RUSC2: variants seen among roughly 807,000 people sequenced by gnomAD.
RUSC2 encodes RUN and SH3 domain containing 2, also known as AP-4 complex accessory subunit RUSC2.
Under a neutral mutation model 122.2 loss-of-function variants are expected in RUSC2, and 34 were observed. The observed-to-expected ratio is 0.28, with a 90% CI of 0.21 to 0.37. The LOEUF (loss-of-function observed/expected upper bound fraction) is 0.37, where lower values mean the gene tolerates loss of function less well. RUSC2 is among the 10% of genes least tolerant of loss of function. The pLI, the probability that RUSC2 is intolerant of heterozygous loss-of-function variation, is 1.00. For synonymous variants in RUSC2, 784 were observed against 790.0 expected, an observed-to-expected ratio of 0.99 and a Z score of 0.13; for missense variants, 1,747 against 1,952.4, an observed-to-expected ratio of 0.89 and a Z score of 1.98.
At chr9:35,520,699 T>C (rs1397725771) in intron 1 of RUSC2, among the ~76,000 whole-genome samples, 5 of 152,294 alleles carry the variant, frequency 3.3e-5, no homozygotes, top group African/African-American at 9.6e-5. Context: ...AAGAGCAGCA[T>C]AGGGGCCTTT....
chr9:35,504,998 A>G (rs1320547324), intron 1 of RUSC2, among the ~76,000 whole-genome samples: 2 of 152,260 alleles, frequency 1.3e-5, no homozygotes, highest in African/African-American at 4.8e-5. Context: ...TGCTATGCTT[A>G]TAGTTAGTTA....
chr9:35,555,235 G>T lies in RUSC2; in HGVS notation c.2190G>T (p.Gln730His), dbSNP rs141185107. Residue 730 changes from glutamine to histidine, a missense_variant, in exon 3 of 12, where the codon CAG becomes CAT. Gln to His is a conservative substitution (Grantham distance 24, BLOSUM62 0). Transcript: ENST00000361226. The surrounding 1 kb of genome is among the most constrained non-coding windows in gnomAD (Gnocchi z 4.6). Reference protein sequence around the residue: ...YSLSGCSRTQQPAPLAAPAAQ... With the variant: ...YSLSGCSRTQHPAPLAAPAAQ... ...TCTCAGGCTGCAGCCGTACACAGCAGCCTGCCCCACTGGCTGCCCCTGCTG... is the reference window on the plus strand; with the variant it reads ...TCTCAGGCTGCAGCCGTACACAGCATCCTGCCCCACTGGCTGCCCCTGCTG... 4.3e-5 allele frequency: 69 copies of T among 1,612,990 alleles called. No individual in the cohort carries two copies. The highest frequency in any genetic ancestry group is 5.8e-5 in the Non-Finnish European group (68 of 1,180,002).
rs532728531 is a variant in RUSC2, at chr9:35,503,469, G to A, written c.-93+13297G>A. Among the ~76,000 whole-genome samples, 10 of 152,226 alleles carry A rather than the reference G, an allele frequency of 6.6e-5. No individual in the cohort carries two copies. In the South Asian group the frequency reaches 2.1e-3, roughly 32 times the overall value. ...CCATTTTATGGCTGAGTAGTATTGC[G>A]TGGTGTATATATACCACATTTTCTT... On this transcript the variant is annotated intron_variant, in intron 1 of 11. Coordinates refer to ENST00000361226, the MANE Select transcript of RUSC2 (RefSeq NM_014806.5).
rs192982250 is a variant in RUSC2, at chr9:35,548,623, C to T, written c.2014+88C>T. On this transcript the variant is annotated intron_variant, in intron 2 of 11. Coordinates refer to ENST00000361226, the MANE Select transcript of RUSC2 (RefSeq NM_014806.5). The surrounding 1 kb of genome is among the most constrained non-coding windows in gnomAD (Gnocchi z 4.5). The stretch of plus-strand genomic sequence containing the variant: ...CCCTGACAGGTCCCTGCCAGACCAC[C>T]CCATCCATACCACTAGAGGTTCCAC... 1.2e-4 allele frequency: 168 copies of T among 1,455,170 alleles called. No homozygotes were observed. Among genetic ancestry groups the T allele is most frequent in the Admixed American group, 2.2e-4 (8 of 36,808 alleles). 90.1% of individuals were successfully genotyped at this position (1,455,170 alleles called of 1,614,324 possible).
rs1455906765 is a variant in RUSC2 at position 35,498,858 on chromosome 9, AAAAAAAG to A, written c.-93+8697_-93+8703del. Reference sequence around the variant, plus strand: ...GACTACATCTCAAAAAAAAAAAAACAAAAAAAGAAAAAAGAAATGGCAAAAGTGAACC... The same window carrying A: ...GACTACATCTCAAAAAAAAAAAAACAAAAAAAGAAATGGCAAAAGTGAACC... On this transcript the variant is annotated intron_variant, in intron 1 of 11. Coordinates refer to ENST00000361226, the MANE Select transcript of RUSC2 (RefSeq NM_014806.5). Among the ~76,000 whole-genome samples, 1,350 of 151,562 alleles carry A rather than the reference AAAAAAAG, an allele frequency of 8.9e-3. 21 individuals carry two copies. The highest frequency in any genetic ancestry group is 0.032 in the African/African-American group (1,301 of 41,276).
chr9:35,522,370 C>A (rs747479172), intron 1 of RUSC2, among the ~76,000 whole-genome samples: 4 of 152,096 alleles, frequency 2.6e-5, no homozygotes, highest in Non-Finnish European at 4.4e-5. Context: ...GCCTCTGGGG[C>A]CCCCCACAGT....
chr9:35,532,731 C>T (rs530511705), intron 1 of RUSC2, among the ~76,000 whole-genome samples: 46 of 150,404 alleles, frequency 3.1e-4, no homozygotes, highest in African/African-American at 1.1e-3. Flanking sequence ...GGTGACAGAG[C>T]GAAACTGTCT....
chr9:35,544,802 G>A (rs1821713380), intron 1 of RUSC2, among the ~76,000 whole-genome samples: 2 of 151,878 alleles, frequency 1.3e-5, no homozygotes, highest in East Asian at 1.9e-4. Context: ...TGTCACTTGT[G>A]CCTTTGGTGT....
chr9:35,495,943 T>C (rs1312208464), intron 1 of RUSC2, among the ~76,000 whole-genome samples: 1 of 152,198 alleles, frequency 6.6e-6, no homozygotes, highest in Non-Finnish European at 1.5e-5. Flanking sequence ...AATGGAATTG[T>C]TTTAATTTCC....
Position 35,546,829 on chromosome 9 carries a change from T to C in RUSC2, c.308T>C (p.Phe103Ser). ...GPGAPKRHNP[F>S]LLQEGVGEPG... ...GGAGCCCCCAAACGACACAACCCCTTCTTGCTGCAGGAGGGTGTGGGTGAG... is the reference window on the plus strand; with the variant it reads ...GGAGCCCCCAAACGACACAACCCCTCCTTGCTGCAGGAGGGTGTGGGTGAG... Residue 103 changes from phenylalanine (F) to serine (S), a missense_variant, in exon 2 of 12, where the codon TTC becomes TCC. Coordinates refer to ENST00000361226, the MANE Select transcript of RUSC2 (RefSeq NM_014806.5). The surrounding 1 kb of genome is among the most constrained non-coding windows in gnomAD (Gnocchi z 4.3). 6.2e-7 allele frequency: 1 copy of C among 1,611,830 alleles called. No homozygotes were observed. The highest frequency in any genetic ancestry group is 8.5e-7 in the Non-Finnish European group (1 of 1,178,972).
At position 35,555,821 on chromosome 9, in the gene RUSC2, C is replaced by T; in HGVS notation, c.2656+120C>T. On this transcript the variant is annotated intron_variant, in intron 3 of 11. Coordinates refer to ENST00000361226, the MANE Select transcript of RUSC2 (RefSeq NM_014806.5). This position sits in a 1 kb window ranked among gnomAD's most constrained non-coding sequence, Gnocchi z 4.6. ...GCCAGAGGTTAGGATGTCTGCATCC[C>T]TCCCTCAGCATCTGTAGATAATATC... is the stretch of plus-strand genomic sequence containing the variant. 1.4e-6 allele frequency: 2 copies of T among 1,458,208 alleles called. No homozygotes were observed. Among genetic ancestry groups the T allele is most frequent in the Non-Finnish European group, 1.8e-6 (2 of 1,081,796 alleles). 90.3% of individuals were successfully genotyped at this position (1,458,208 alleles called of 1,614,324 possible).
chr9:35,495,784 A>C (rs1439594298), intron 1 of RUSC2, among the ~76,000 whole-genome samples: 1 of 152,130 alleles, frequency 6.6e-6, no homozygotes, highest in East Asian at 1.9e-4. Flanking sequence ...TAATGATAGC[A>C]AGTTTTCCAA....
intron 1 of RUSC2, among the ~76,000 whole-genome samples, chr9:35,515,863 G>C (rs1821091267): frequency 6.6e-6 from 1 of 151,526 alleles, no homozygotes; most frequent in Non-Finnish European, 1.5e-5. Flanking sequence ...GCTGGGCATG[G>C]TGGCGCGCAC....
intron 1 of RUSC2, among the ~76,000 whole-genome samples, chr9:35,541,254 C>T (rs1821636413): frequency 6.6e-6 from 1 of 152,028 alleles, no homozygotes; most frequent in South Asian, 2.1e-4. Flanking sequence ...CTCCCCCATC[C>T]TCATCTTCCA....
chr9:35,509,682 T>C (rs757090219), intron 1 of RUSC2, among the ~76,000 whole-genome samples: 84 of 152,160 alleles, frequency 5.5e-4, no homozygotes, highest in Non-Finnish European at 1.0e-3. Context: ...ACTGGTAAAT[T>C]GAACGGTAGT....
At chr9:35,517,367 G>A (rs979118178) in intron 1 of RUSC2, among the ~76,000 whole-genome samples, 1 of 152,178 alleles carries the variant, frequency 6.6e-6, no homozygotes, top group Non-Finnish European at 1.5e-5. Context: ...ATACAGTATC[G>A]CCTTTGTTCT....
chr9:35,501,997 T>C (rs1448673021), intron 1 of RUSC2, among the ~76,000 whole-genome samples: 1 of 152,148 alleles, frequency 6.6e-6, no homozygotes, highest in African/African-American at 2.4e-5. Flanking sequence ...ACACTGAACA[T>C]TGAGGGCTCT....
At chr9:35,556,955 A>G (rs185737698) in intron 5 of RUSC2, among the ~76,000 whole-genome samples, 181 of 152,344 alleles carry the variant, frequency 1.2e-3, no homozygotes, top group African/African-American at 4.2e-3. Context: ...GTCATTCATC[A>G]GAGGCTTTCA....
chr9:35,540,947 A>T (rs1821631214), intron 1 of RUSC2, among the ~76,000 whole-genome samples: 1 of 152,218 alleles, frequency 6.6e-6, no homozygotes, highest in Non-Finnish European at 1.5e-5. Flanking sequence ...AATGGGAAGG[A>T]TTATGCCTAC....
Sources: allele counts gnomAD v4.1 joint callset (sites outside exome capture counted in the v4.1 genomes callset), GRCh38; gene constraint gnomAD v4.1.1; non-coding constraint Gnocchi (gnomAD v3.1); transcripts MANE v1.5; gene names NCBI Gene and HGNC (gene_info 2026-07-23, HGNC 2026-07-21).